The following HS6ST3 variants were observed in gnomAD, a reference collection of about 807,000 sequenced individuals.
The protein encoded by HS6ST3 is heparan-sulfate 6-O-sulfotransferase 3.
HS6ST3 carries 12 observed loss-of-function variants against 36.7 expected under a neutral mutation model. The ratio of observed to expected loss-of-function variants is 0.33; its 90% CI spans 0.21 to 0.53. HS6ST3 has a LOEUF of 0.53. HS6ST3 is among the 20% of genes least tolerant of loss of function. HS6ST3 has a pLI of 0.95. For synonymous variants in HS6ST3, 240 were observed against 257.5 expected, an observed-to-expected ratio of 0.93 and a Z score of 0.65; for missense variants, 584 against 640.9, an observed-to-expected ratio of 0.91 and a Z score of 0.96.
At chr13:96,327,253 C>T (rs1020984744) in intron 1 of HS6ST3, among the ~76,000 whole-genome samples, 4 of 151,640 alleles carry the variant, frequency 2.6e-5, no homozygotes, top group African/African-American at 7.3e-5. Context: ...AAGTCCTTGC[C>T]CATGCCTATG....
chr13:96,593,773 A>G (rs1224887494), intron 1 of HS6ST3, among the ~76,000 whole-genome samples: 2 of 151,966 alleles, frequency 1.3e-5, no homozygotes, highest in Non-Finnish European at 2.9e-5. Flanking sequence ...CTTTATCAGT[A>G]TGTAATGAAA....
intron 1 of HS6ST3, among the ~76,000 whole-genome samples, chr13:96,337,787 C>G (rs956896085): frequency 6.6e-6 from 1 of 151,680 alleles, no homozygotes; most frequent in Non-Finnish European, 1.5e-5. Context: ...TTGGGGGCAA[C>G]TGTTATTTGG....
intron 1 of HS6ST3, among the ~76,000 whole-genome samples, chr13:96,308,580 T>G (rs1228420664): frequency 6.6e-6 from 1 of 152,090 alleles, no homozygotes; most frequent in Non-Finnish European, 1.5e-5. Context: ...TAAATCCATC[T>G]TATTAACTCT....
intron 1 of HS6ST3, among the ~76,000 whole-genome samples, chr13:96,697,383 CA>C (rs1339478795): frequency 2.0e-5 from 3 of 151,462 alleles, no homozygotes; most frequent in Non-Finnish European, 2.9e-5. Context: ...TAACATATGG[CA>C]AGTAAAAGTT....
chr13:96,162,267 A>G (rs2054139231), intron 1 of HS6ST3, among the ~76,000 whole-genome samples: 1 of 152,232 alleles, frequency 6.6e-6, no homozygotes, highest in Admixed American at 6.5e-5. Flanking sequence ...CAGAAGGTGA[A>G]AAAGAGAAAG....
intron 1 of HS6ST3, among the ~76,000 whole-genome samples, chr13:96,253,002 A>G (rs1319886712): frequency 1.3e-5 from 2 of 152,180 alleles, no homozygotes; most frequent in African/African-American, 4.8e-5. Context: ...TCTTTATAAC[A>G]ACGCAAGAAC....
intron 1 of HS6ST3, among the ~76,000 whole-genome samples, chr13:96,106,030 T>C (rs2053839917): frequency 6.6e-6 from 1 of 152,212 alleles, no homozygotes; most frequent in Non-Finnish European, 1.5e-5. Flanking sequence ...GATGGGGTGA[T>C]ATTGGATTGG....
At chr13:96,306,703 G>T (rs2054915737) in intron 1 of HS6ST3, among the ~76,000 whole-genome samples, 1 of 152,098 alleles carries the variant, frequency 6.6e-6, no homozygotes, top group Non-Finnish European at 1.5e-5. Flanking sequence ...TGCACGGCCT[G>T]TGTTCTTGCT....
At chr13:96,594,131 C>T (rs1049544655) in intron 1 of HS6ST3, among the ~76,000 whole-genome samples, 1 of 151,964 alleles carries the variant, frequency 6.6e-6, no homozygotes, top group Non-Finnish European at 1.5e-5. Context: ...TGCCACCATG[C>T]CAGGCTAATT....
chr13:96,504,330 C>T (rs552256019), intron 1 of HS6ST3, among the ~76,000 whole-genome samples: 2 of 152,182 alleles, frequency 1.3e-5, no homozygotes, highest in South Asian at 4.2e-4. Flanking sequence ...TTTTGCCTCC[C>T]TAGTGGCCAG....
At chr13:96,232,281 TGAG>T (rs934621084) in intron 1 of HS6ST3, among the ~76,000 whole-genome samples, 35 of 152,000 alleles carry the variant, frequency 2.3e-4, no homozygotes, top group Middle Eastern at 6.8e-3. Flanking sequence ...TGGCAGGAGT[TGAG>T]GATCAGAGAA....
At chr13:96,130,728 C>G (rs114193603) in intron 1 of HS6ST3, among the ~76,000 whole-genome samples, 3,050 of 152,266 alleles carry the variant, frequency 0.02, 85 homozygotes, top group African/African-American at 0.067. Flanking sequence ...AGTCAGCTCT[C>G]TAGTATTGCA....
At chr13:96,714,045 T>G (rs1223559865) in intron 1 of HS6ST3, among the ~76,000 whole-genome samples, 1 of 152,146 alleles carries the variant, frequency 6.6e-6, no homozygotes, top group Non-Finnish European at 1.5e-5. Context: ...CCATGTGGTT[T>G]AAACAATTAA....
chr13:96,718,205 T>G (rs927907636), intron 1 of HS6ST3, among the ~76,000 whole-genome samples: 2 of 152,190 alleles, frequency 1.3e-5, no homozygotes, highest in Non-Finnish European at 2.9e-5. Flanking sequence ...TTAATTTTGT[T>G]TATGTCTATC....
intron 1 of HS6ST3, among the ~76,000 whole-genome samples, chr13:96,756,136 T>C (rs1004316860): frequency 6.6e-6 from 1 of 152,212 alleles, no homozygotes; most frequent in Non-Finnish European, 1.5e-5. Context: ...TCTTGGCCGA[T>C]TGAGTATCTT....
intron 1 of HS6ST3, among the ~76,000 whole-genome samples, chr13:96,285,702 T>C (rs1594743119): frequency 6.6e-6 from 1 of 152,260 alleles, no homozygotes; most frequent in African/African-American, 2.4e-5. Flanking sequence ...TATCTTTCGA[T>C]TGCAAGGAAG....
chr13:96,526,489 CCT>C (rs2056115019), intron 1 of HS6ST3, among the ~76,000 whole-genome samples: 1 of 152,172 alleles, frequency 6.6e-6, no homozygotes, highest in African/African-American at 2.4e-5. Flanking sequence ...TTGTTCTAAT[CCT>C]CTCCAAATTA....
intron 1 of HS6ST3, among the ~76,000 whole-genome samples, chr13:96,816,450 T>A (rs1878423890): frequency 6.6e-6 from 1 of 152,246 alleles, no homozygotes; most frequent in South Asian, 2.1e-4. Context: ...AAGAATTTGC[T>A]GTCCCAGAAC....
At position 96,207,976 on chromosome 13, in the gene HS6ST3, A is replaced by G. The variant is rs945014443; in HGVS notation, c.707+116407A>G. 4.6e-5 allele frequency among the ~76,000 whole-genome samples: 7 copies of G among 152,200 alleles called. No individual in the cohort carries two copies. The East Asian group carries it at 5.8e-4, about 13-fold the overall frequency. On this transcript the variant is annotated intron_variant, in intron 1 of 1. Transcript: ENST00000376705. The stretch of plus-strand genomic sequence containing the variant: ...AAACCTGCACATCCTGCACATGTAC[A>G]CCAGAACTTAAAGTAAAAGTTGAAG...
Sources: gnomAD v4.1 joint callset for allele counts (sites outside exome capture counted in the v4.1 genomes callset) on GRCh38, gnomAD v4.1.1 for gene constraint, MANE v1.5 for transcripts, NCBI Gene and HGNC (gene_info 2026-07-23, HGNC 2026-07-21) for gene names.